The following APOH variants were observed in gnomAD, a reference collection of about 807,000 sequenced individuals.
The protein encoded by APOH is beta-2-glycoprotein 1.
A neutral mutation model predicts 39.8 loss-of-function variants in APOH; 48 were observed. The ratio of observed to expected loss-of-function variants is 1.21; its 90% confidence interval spans 0.96 to 1.54. APOH has a LOEUF of 1.54. Ranked by LOEUF, APOH falls within the 40% of genes most tolerant of loss-of-function variation. The pLI, the probability that APOH is intolerant of heterozygous loss-of-function variation, is 0.00. For synonymous variants in APOH, 153 were observed against 151.1 expected (o/e 1.01, Z -0.09); for missense variants, 415 against 421.2 (o/e 0.99, Z 0.13).
chr17:66,214,138 C>A (rs1038424927), intron 7 of APOH, among the ~76,000 whole-genome samples: 1 of 152,162 alleles, frequency 6.6e-6, no homozygotes, highest in Non-Finnish European at 1.5e-5. Context: ...CGGCTCACTG[C>A]AACCTCCACC....
intron 2 of APOH, 56 bp from the exon 3 acceptor site, chr17:66,226,180 C>T: frequency 8.1e-7 from 1 of 1,238,536 alleles, no homozygotes; most frequent in Non-Finnish European, 1.1e-6. Flanking sequence ...AAAACATAAA[C>T]AGGTAAATTT....
At chr17:66,222,567 CTTTTTTTTT>C (rs1178795590) in intron 4 of APOH, among the ~76,000 whole-genome samples, 1 of 84,880 alleles carries the variant, frequency 1.2e-5, no homozygotes, top group Non-Finnish European at 2.2e-5. Context: ...TTTCCACTTG[CTTTTTTTTT>C]TTTTTTTTTT....
At chr17:66,216,032 G>A (rs1203419313) in intron 6 of APOH, among the ~76,000 whole-genome samples, 4 of 151,946 alleles carry the variant, frequency 2.6e-5, no homozygotes, top group Admixed American at 2.6e-4. Context: ...GAAGAGCCTT[G>A]GCTAGACAGA....
intron 2 of APOH, among the ~76,000 whole-genome samples, chr17:66,227,760 T>C (rs2073448413): frequency 6.6e-6 from 1 of 152,204 alleles, no homozygotes; most frequent in African/African-American, 2.4e-5. Flanking sequence ...TGTTTCTTTC[T>C]CCTTTTGCCA....
chr17:66,224,733 G>A (rs2073428199), intron 3 of APOH, among the ~76,000 whole-genome samples: 1 of 143,972 alleles, frequency 6.9e-6, no homozygotes, highest in African/African-American at 2.6e-5. Flanking sequence ...GAAAGGAAAG[G>A]AAAGGAAAGG....
chr17:66,223,615 A>C, intron 4 of APOH, 83 bp downstream of exon 4: 182 of 1,144,140 alleles, frequency 1.6e-4, no homozygotes, highest in Non-Finnish European at 2.1e-4. Context: ...CTGTGACTGA[A>C]GAGATTCCAG....
intron 6 of APOH, 110 bp from the exon 7 acceptor site, chr17:66,214,760 G>T: frequency 1.1e-6 from 1 of 905,864 alleles, no homozygotes; most frequent in South Asian, 1.5e-5. Context: ...ATTGGTCAAG[G>T]CAAGAAAAAT....
intron 7 of APOH, among the ~76,000 whole-genome samples, chr17:66,212,771 C>T (rs957217899): frequency 2.6e-5 from 4 of 152,188 alleles, no homozygotes; most frequent in Non-Finnish European, 4.4e-5. Context: ...AAAACAGTAT[C>T]GGCCCTTTAC....
intron 1 of APOH, among the ~76,000 whole-genome samples, chr17:66,228,941 T>G (rs984964343): frequency 2.6e-5 from 4 of 151,860 alleles, no homozygotes; most frequent in African/African-American, 9.7e-5. Flanking sequence ...CAAGCAATTC[T>G]CCTGCCTCAG....
intron 3 of APOH, 73 bp downstream of exon 3, chr17:66,225,955 G>C: frequency 9.7e-7 from 1 of 1,034,768 alleles, no homozygotes; most frequent in East Asian, 2.5e-5. Context: ...ATATAGACCA[G>C]TCTTGATGTT....
intron 5 of APOH, 131 bp downstream of exon 5, chr17:66,220,423 A>G (rs983407676): frequency 1.2e-6 from 1 of 832,540 alleles, no homozygotes; most frequent in Non-Finnish European, 1.9e-6. Flanking sequence ...TGCCTGGCAC[A>G]TGGTAGATGC....
chr17:66,216,674 T>G lies in APOH; in HGVS notation c.784+114A>C. ...GTCCTGAAGTCACATGCCAGCAGTTTCCTAGCAAGTCTGAGCAACAAGTGG... is the reference window on the plus strand; with the variant it reads ...GTCCTGAAGTCACATGCCAGCAGTTGCCTAGCAAGTCTGAGCAACAAGTGG... On this transcript the variant is annotated intron_variant, in intron 6 of 7. Coordinates refer to ENST00000205948, the MANE Select transcript of APOH (RefSeq NM_000042.3). The G allele has an allele frequency of 3.7e-6, 4 of 1,094,148 alleles. No homozygotes were observed. The South Asian group carries it at 5.2e-5, about 14-fold the overall frequency. 67.8% of individuals were successfully genotyped at this position (1,094,148 alleles called of 1,614,324 possible). A position where few individuals can be genotyped will look rare whatever the true frequency, so the allele number is the denominator to read the frequency against.
intron 4 of APOH, among the ~76,000 whole-genome samples, chr17:66,221,310 G>T (rs2073399076): frequency 7.8e-6 from 1 of 128,752 alleles, no homozygotes; most frequent in African/African-American, 2.9e-5. Flanking sequence ...GGGAGGGAGG[G>T]AGGGAAGAAA....
chr17:66,229,367 C>G lies in APOH; in HGVS notation c.13G>C (p.Val5Leu). The change falls in exon 1 of 8, where the codon GTG becomes CTG. Residue 5 changes from valine (V) to leucine (L), a missense_variant. Val to Leu is a conservative substitution (Grantham distance 32, BLOSUM62 1). Around this residue, in one of 3 missense-constraint regions of APOH, gnomAD observed 288 missense variants for 284.9 expected, o/e 1.01. Transcript: ENST00000205948. ...AGAAAACTCGAGAACAAGATGAGCA[C>G]TGGAGAAATCATTGTGGATGAGTCA... Reference protein sequence around the residue: MISPVLILFSSFLCH... With the variant: MISPLLILFSSFLCH... The G allele has an allele frequency of 1.2e-6, 2 of 1,613,742 alleles. No homozygotes were observed. Among genetic ancestry groups the G allele is most frequent in the Middle Eastern group, 1.7e-4 (1 of 6,060 alleles).
At chr17:66,225,153 G>A (rs2073432241) in intron 3 of APOH, among the ~76,000 whole-genome samples, 1 of 152,014 alleles carries the variant, frequency 6.6e-6, no homozygotes, top group South Asian at 2.1e-4. Flanking sequence ...TTGGTAGATT[G>A]GTGTTTCAGA....
At chr17:66,215,995 C>T (rs1450365984) in intron 6 of APOH, among the ~76,000 whole-genome samples, 4 of 151,910 alleles carry the variant, frequency 2.6e-5, no homozygotes, top group African/African-American at 9.7e-5. Flanking sequence ...TGAACTCACT[C>T]GAATGTGTGG....
chr17:66,212,602 C>A (rs1248651472), intron 7 of APOH, among the ~76,000 whole-genome samples: 4 of 152,174 alleles, frequency 2.6e-5, no homozygotes, highest in Admixed American at 1.3e-4. Context: ...CCAGGCTGGC[C>A]TCCTGACCTC....
rs147357246 is a variant in APOH at position 66,229,351 on chromosome 17, G to T, written c.29C>A (p.Ser10Ter). 2 of 1,613,800 alleles carry T rather than the reference G, an allele frequency of 1.2e-6. No individual in the cohort carries two copies. The highest frequency in any genetic ancestry group is 1.7e-6 in the Non-Finnish European group (2 of 1,179,816). The change falls in exon 1 of 8, where the codon TCG becomes TAG. Residue 10 changes from serine to a stop codon, truncating the protein, a stop_gained. Coordinates refer to ENST00000205948, the MANE Select transcript of APOH (RefSeq NM_000042.3). LOFTEE classifies it high-confidence loss of function. The part of the protein sequence containing the change: MISPVLILF[S>*]SFLCHVAIAG... ...AATAGCAACATGGCAGAGAAAACTC[G>T]AGAACAAGATGAGCACTGGAGAAAT...
At chr17:66,215,086 G>A (rs1017681988) in intron 6 of APOH, among the ~76,000 whole-genome samples, 5 of 152,146 alleles carry the variant, frequency 3.3e-5, no homozygotes, top group Non-Finnish European at 7.3e-5. Context: ...TCAGCCATAG[G>A]GAAGCCACCT....
Sources: allele counts gnomAD v4.1 joint callset (sites outside exome capture counted in the v4.1 genomes callset), GRCh38; gene constraint gnomAD v4.1.1; regional missense constraint gnomAD v4.1.1; transcripts MANE v1.5; gene names NCBI Gene and HGNC (gene_info 2026-07-23, HGNC 2026-07-21).